The following ROBO2 variants were observed in gnomAD, a reference collection of about 807,000 sequenced individuals.
ROBO2 encodes roundabout homolog 2.
ROBO2 carries 53 observed loss-of-function variants against 160.8 expected under a neutral mutation model. The ratio of observed to expected loss-of-function variants is 0.33; its 90% CI spans 0.26 to 0.41. The LOEUF (loss-of-function observed/expected upper bound fraction) is 0.41, where lower values mean the gene tolerates loss of function less well. Among genes scored for constraint, ROBO2 ranks in the 10% least tolerant of loss-of-function variants. The probability of loss-of-function intolerance (pLI) is 1.00; values close to 1 mark genes in which losing one functional copy is unlikely to be tolerated. For synonymous variants in ROBO2, 664 were observed against 611.7 expected (o/e 1.09, Z -1.26); for missense variants, 1,577 against 1,722.4 (o/e 0.92, Z 1.49).
At chr3:76,249,251 C>T (rs1705831157) in intron 2 of ROBO2, among the ~76,000 whole-genome samples, 1 of 151,998 alleles carries the variant, frequency 6.6e-6, no homozygotes, top group Admixed American at 6.6e-5. Flanking sequence ...CTAACAGTGC[C>T]TCAGAACTGG....
intron 2 of ROBO2, among the ~76,000 whole-genome samples, chr3:77,187,042 T>G (rs751996845): frequency 6.6e-6 from 1 of 151,974 alleles, no homozygotes; most frequent in Non-Finnish European, 1.5e-5. Context: ...TTCTGTAAGA[T>G]TCTCATTGAA....
At chr3:76,791,478 C>T (rs1388639339) in intron 2 of ROBO2, among the ~76,000 whole-genome samples, 1 of 151,440 alleles carries the variant, frequency 6.6e-6, no homozygotes, top group Non-Finnish European at 1.5e-5. Context: ...TTCTCTCTCT[C>T]TCTCTGTGTT....
chr3:75,915,454 G>A (rs969463084), intron 1 of ROBO2, among the ~76,000 whole-genome samples: 2 of 152,090 alleles, frequency 1.3e-5, no homozygotes, highest in Admixed American at 6.6e-5. Context: ...AGATAGGCTG[G>A]AATGAAGAGA....
At chr3:76,239,731 A>C (rs926538159) in intron 2 of ROBO2, among the ~76,000 whole-genome samples, 2 of 152,184 alleles carry the variant, frequency 1.3e-5, no homozygotes, top group African/African-American at 4.8e-5. Flanking sequence ...AATCATTGAC[A>C]CTTACCTAAA....
intron 2 of ROBO2, among the ~76,000 whole-genome samples, chr3:75,944,032 T>A (rs563342427): frequency 6.6e-6 from 1 of 152,178 alleles, no homozygotes; most frequent in African/African-American, 2.4e-5. Flanking sequence ...CTAATAATAG[T>A]AAAATATAAT....
chr3:76,542,659 C>T (rs2082882849), intron 2 of ROBO2, among the ~76,000 whole-genome samples: 1 of 151,984 alleles, frequency 6.6e-6, no homozygotes, highest in Non-Finnish European at 1.5e-5. Flanking sequence ...TTTTTCTGTC[C>T]CTTCAGGATG....
intron 23 of ROBO2, chr3:77,632,420 G>A: frequency 7.4e-7 from 1 of 1,345,572 alleles, no homozygotes; most frequent in South Asian, 1.5e-5. Context: ...GTGTGTACAA[G>A]CAGATGAGAT....
intron 2 of ROBO2, among the ~76,000 whole-genome samples, chr3:77,394,057 A>G (rs2075015291): frequency 6.6e-6 from 1 of 152,132 alleles, no homozygotes; most frequent in South Asian, 2.1e-4. Flanking sequence ...TTCTAATCCC[A>G]AATCTCAGGG....
At chr3:76,323,370 C>T (rs2072740878) in intron 2 of ROBO2, among the ~76,000 whole-genome samples, 1 of 152,034 alleles carries the variant, frequency 6.6e-6, no homozygotes, top group African/African-American at 2.4e-5. Context: ...ATTTTAGGCT[C>T]ATTATAGATG....
intron 2 of ROBO2, among the ~76,000 whole-genome samples, chr3:76,037,552 A>C (rs1276473942): frequency 6.6e-6 from 1 of 151,774 alleles, no homozygotes; most frequent in Non-Finnish European, 1.5e-5. Flanking sequence ...TCCAATCACT[A>C]TTTATGCATT....
intron 2 of ROBO2, among the ~76,000 whole-genome samples, chr3:76,270,617 T>C (rs1707375626): frequency 6.6e-6 from 1 of 152,074 alleles, no homozygotes; most frequent in Non-Finnish European, 1.5e-5. Flanking sequence ...TTTTATTTTA[T>C]TGAGCACCTT....
At chr3:76,122,605 T>C (rs894987750) in intron 2 of ROBO2, among the ~76,000 whole-genome samples, 2 of 152,154 alleles carry the variant, frequency 1.3e-5, no homozygotes, top group Non-Finnish European at 2.9e-5. Flanking sequence ...TGTGTTCTCT[T>C]TCAAGATACA....
At chr3:75,967,682 T>C (rs1361635330) in intron 2 of ROBO2, among the ~76,000 whole-genome samples, 2 of 151,490 alleles carry the variant, frequency 1.3e-5, no homozygotes, top group African/African-American at 2.4e-5. Flanking sequence ...TCATTATAAT[T>C]TCGTATATAA....
At chr3:77,408,056 G>A (rs937895912) in intron 2 of ROBO2, among the ~76,000 whole-genome samples, 1 of 151,684 alleles carries the variant, frequency 6.6e-6, no homozygotes, top group Non-Finnish European at 1.5e-5. Context: ...GCATTTGGAT[G>A]TGTATCAGGG....
At chr3:76,632,682 A>G (rs972422483) in intron 2 of ROBO2, among the ~76,000 whole-genome samples, 1 of 152,222 alleles carries the variant, frequency 6.6e-6, no homozygotes, top group African/African-American at 2.4e-5. Context: ...ATAGTATACT[A>G]ACTAGAAATA....
intron 2 of ROBO2, among the ~76,000 whole-genome samples, chr3:76,176,697 GCA>G (rs1329819546): frequency 4.0e-5 from 6 of 151,686 alleles, no homozygotes; most frequent in Non-Finnish European, 7.4e-5. Flanking sequence ...TTTATTTTTT[GCA>G]TTTTTTCCTC....
chr3:76,098,690 A>T (rs1157742110), intron 2 of ROBO2, among the ~76,000 whole-genome samples: 1 of 152,184 alleles, frequency 6.6e-6, no homozygotes, highest in Non-Finnish European at 1.5e-5. Context: ...GTTTTAATTT[A>T]AGAAATAATG....
chr3:77,202,409 T>G (rs189352674), intron 2 of ROBO2, among the ~76,000 whole-genome samples: 3 of 152,290 alleles, frequency 2.0e-5, no homozygotes, highest in Non-Finnish European at 4.4e-5. Flanking sequence ...TTAATGATAC[T>G]TCTGGAGGGG....
intron 2 of ROBO2, among the ~76,000 whole-genome samples, chr3:76,005,208 G>A (rs1023479471): frequency 1.3e-5 from 2 of 152,232 alleles, no homozygotes; most frequent in Admixed American, 1.3e-4. Context: ...AAATATACAT[G>A]TATTGCATTT....
Sources: gnomAD v4.1 joint callset for allele counts (sites outside exome capture counted in the v4.1 genomes callset) on GRCh38, gnomAD v4.1.1 for gene constraint, MANE v1.5 for transcripts, NCBI Gene and HGNC (gene_info 2026-07-23, HGNC 2026-07-21) for gene names.